The following FBXO15 variants were observed in gnomAD, a reference collection of about 807,000 sequenced individuals.
FBXO15 encodes the protein F-box only protein 15.
In FBXO15, 30 loss-of-function variants were observed where a neutral mutation model predicts 49.5. The observed-to-expected ratio is 0.61, with a 90% CI of 0.45 to 0.82. The LOEUF is 0.82. Among genes scored for constraint, FBXO15 ranks in the 40% least tolerant of loss-of-function variants. FBXO15 has a pLI of 0.00. For synonymous variants in FBXO15, 250 were observed against 232.7 expected, an observed-to-expected ratio of 1.07 and a Z score of -0.68; for missense variants, 591 against 631.5, an observed-to-expected ratio of 0.94 and a Z score of 0.69.
At chr18:74,090,158 G>A (rs531703976) in intron 8 of FBXO15, among the ~76,000 whole-genome samples, 26 of 152,194 alleles carry the variant, frequency 1.7e-4, no homozygotes, top group Middle Eastern at 3.4e-3. Flanking sequence ...GGGTGTATGC[G>A]CCCAGGAATT....
At chr18:74,135,636 T>C (rs1978668167) in intron 3 of FBXO15, 126 bp downstream of exon 3, 1 of 705,912 alleles carries the variant, frequency 1.4e-6, no homozygotes, top group African/African-American at 1.8e-5. Context: ...ATTTGACATT[T>C]CCACTTGTGT....
chr18:74,131,760 G>A (rs1195079506), intron 3 of FBXO15, among the ~76,000 whole-genome samples: 1 of 152,198 alleles, frequency 6.6e-6, no homozygotes, highest in African/African-American at 2.4e-5. Flanking sequence ...GCTCATTTAG[G>A]TCTCCACATT....
At chr18:74,142,013 CAAAGAAGTTGCAT>C (rs1470466364) in intron 1 of FBXO15, among the ~76,000 whole-genome samples, 2 of 152,132 alleles carry the variant, frequency 1.3e-5, no homozygotes, top group African/African-American at 4.8e-5. Flanking sequence ...GGCATCTCAA[CAAAGAAGTTGCAT>C]AAGGTAAACT....
chr18:74,105,909 G>T (rs1360882946), intron 8 of FBXO15, among the ~76,000 whole-genome samples: 7 of 151,982 alleles, frequency 4.6e-5, no homozygotes, highest in Non-Finnish European at 1.0e-4. Flanking sequence ...ATACAAAGAA[G>T]ATATTTTAAA....
In FBXO15 at chr18:74,147,745, A is replaced by G. The variant is rs1285360002; in HGVS notation, c.41T>C (p.Leu14Pro). ...GGGCCCGCGCAGCGTCTGGAGGCCG[A>G]GCCAGTGCTGCTGCAAGATCCGACC... ...GRGRILQQHWLGLQTLRGPSR... is the reference protein window; with the variant it reads ...GRGRILQQHWPGLQTLRGPSR... Residue 14 changes from leucine (L) to proline (P), a missense_variant, in exon 1 of 10, where the codon CTC (leucine) becomes CCC (proline). Coordinates refer to ENST00000419743, the MANE Select transcript of FBXO15 (RefSeq NM_001142958.2). 1.2e-5 allele frequency: 19 copies of G among 1,537,244 alleles called. No individual in the cohort carries two copies. Among genetic ancestry groups the G allele is most frequent in the Non-Finnish European group, 1.7e-5 (19 of 1,143,544 alleles).
intron 3 of FBXO15, among the ~76,000 whole-genome samples, chr18:74,132,778 G>A (rs975777186): frequency 1.3e-5 from 2 of 152,176 alleles, no homozygotes; most frequent in African/African-American, 2.4e-5. Flanking sequence ...AGAAAATGGG[G>A]CCAATTTAAT....
At chr18:74,091,843 C>T (rs1002486110) in intron 8 of FBXO15, among the ~76,000 whole-genome samples, 47 of 152,234 alleles carry the variant, frequency 3.1e-4, no homozygotes, top group Middle Eastern at 6.8e-3. Flanking sequence ...TTGGAGAATC[C>T]GATGACTACA....
At chr18:74,130,757 T>C in intron 3 of FBXO15, 99 bp from the exon 4 acceptor site, 1 of 1,309,246 alleles carries the variant, frequency 7.6e-7, no homozygotes, top group Non-Finnish European at 1.0e-6. Flanking sequence ...ATAATCCAAT[T>C]CCATGAATAA....
At chr18:74,147,543 T>C in intron 1 of FBXO15, 127 bp downstream of exon 1, 1 of 1,275,180 alleles carries the variant, frequency 7.8e-7, no homozygotes, top group Non-Finnish European at 9.9e-7. Context: ...TTCCATACCC[T>C]TCTCACGTTG....
intron 3 of FBXO15, among the ~76,000 whole-genome samples, chr18:74,131,222 C>A (rs1219499250): frequency 6.6e-6 from 1 of 152,178 alleles, no homozygotes; most frequent in African/African-American, 2.4e-5. Context: ...TTTGTCAACA[C>A]TTACTATGTG....
intron 1 of FBXO15, 52 bp downstream of exon 1, chr18:74,147,618 C>T: frequency 7.3e-7 from 1 of 1,373,228 alleles, no homozygotes; most frequent in East Asian, 2.9e-5. Flanking sequence ...AGCGGGGCCG[C>T]GCAGTGACGG....
rs541767519 is a variant in FBXO15 at position 74,075,306 on chromosome 18, C to A, written c.1264-1576G>T. ...GCAGATCCACAGCCCAGCTCCTCTG[C>A]GCCCACCTCTCCTCACATGTGTTTC... On this transcript the variant is annotated intron_variant, in intron 9 of 9. Coordinates refer to ENST00000419743, the MANE Select transcript of FBXO15 (RefSeq NM_001142958.2). This position sits in a 1 kb window ranked among gnomAD's most constrained non-coding sequence, Gnocchi z 4.1. Among the ~76,000 whole-genome samples, 6 of 152,192 alleles carry A rather than the reference C, an allele frequency of 3.9e-5. No individual in the cohort carries two copies. The highest frequency in any genetic ancestry group is 1.4e-4 in the African/African-American group (6 of 41,428).
chr18:74,111,261 C>CAA (rs60236226), intron 8 of FBXO15, among the ~76,000 whole-genome samples: 21 of 84,318 alleles, frequency 2.5e-4, no homozygotes, highest in Non-Finnish European at 4.0e-4. Flanking sequence ...GTCTCTGTCT[C>CAA]AAAAAAAAAA....
chr18:74,140,162 T>C (rs1978976551), intron 2 of FBXO15, 40 bp downstream of exon 2: 2 of 1,510,250 alleles, frequency 1.3e-6, no homozygotes, highest in Non-Finnish European at 1.8e-6. Flanking sequence ...ACCCCATGCC[T>C]AGAGGCCCCC....
chr18:74,073,818 A>G, intron 9 of FBXO15, 88 bp from the exon 10 acceptor site: 1 of 1,479,838 alleles, frequency 6.8e-7, no homozygotes, highest in Non-Finnish European at 9.1e-7. Context: ...AACTCACTAG[A>G]AATGCTGCGT....
At chr18:74,112,608 G>C (rs958049888) in intron 8 of FBXO15, among the ~76,000 whole-genome samples, 5 of 152,174 alleles carry the variant, frequency 3.3e-5, no homozygotes, top group Non-Finnish European at 7.3e-5. Context: ...AACAGAGCAA[G>C]GATGACTCCT....
At chr18:74,116,209 G>A (rs1252410963) in intron 8 of FBXO15, among the ~76,000 whole-genome samples, 1 of 152,182 alleles carries the variant, frequency 6.6e-6, no homozygotes, top group Non-Finnish European at 1.5e-5. Flanking sequence ...AAAGTTTGTG[G>A]TACTGGTCTA....
intron 8 of FBXO15, chr18:74,100,211 G>A (rs981657645): frequency 3.3e-5 from 5 of 151,916 alleles, no homozygotes; most frequent in Admixed American, 3.3e-4. Context: ...AATTATATCA[G>A]GTACTCTCTC....
chr18:74,142,435 G>A (rs1190718217), intron 1 of FBXO15, among the ~76,000 whole-genome samples: 2 of 152,136 alleles, frequency 1.3e-5, no homozygotes, highest in African/African-American at 4.8e-5. Flanking sequence ...CACAAACTGG[G>A]TGACTCAGAA....
Sources: allele counts gnomAD v4.1 joint callset (sites outside exome capture counted in the v4.1 genomes callset), GRCh38; gene constraint gnomAD v4.1.1; non-coding constraint Gnocchi (gnomAD v3.1); transcripts MANE v1.5; gene names NCBI Gene and HGNC (gene_info 2026-07-23, HGNC 2026-07-21).